The following HIPK3 variants were observed in gnomAD, a reference collection of about 807,000 sequenced individuals.
HIPK3 encodes the protein homeodomain-interacting protein kinase 3.
A neutral mutation model predicts 124.2 loss-of-function variants in HIPK3; 47 were observed. The observed-to-expected ratio is 0.38, with a 90% CI of 0.30 to 0.48. HIPK3 has a LOEUF of 0.48. Ranked by LOEUF, HIPK3 falls within the 20% of genes least tolerant of loss-of-function variation. The probability of loss-of-function intolerance (pLI) is 0.98; values close to 1 mark genes in which losing one functional copy is unlikely to be tolerated. For missense variants in HIPK3, 1,286 were observed against 1,454.3 expected, an observed-to-expected ratio of 0.88 and a Z score of 1.88; for synonymous variants, 482 against 515.2, an observed-to-expected ratio of 0.94 and a Z score of 0.87.
At chr11:33,314,628 C>T (rs1468884802) in intron 2 of HIPK3, among the ~76,000 whole-genome samples, 3 of 151,900 alleles carry the variant, frequency 2.0e-5, no homozygotes, top group African/African-American at 7.3e-5. Flanking sequence ...TGCACTCCAG[C>T]CTGGGTGACA....
Position 33,348,833 on chromosome 11 carries a change from C to T in HIPK3, c.2666+15C>T. On this transcript the variant is annotated intron_variant, in intron 13 of 16. Coordinates refer to ENST00000303296, the MANE Select transcript of HIPK3 (RefSeq NM_005734.5). ...TCACTCAGAGAGTAAGTGCCAAACGCTGCATCCTCAAAGGATATAGATGGC... is the reference window on the plus strand; with the variant it reads ...TCACTCAGAGAGTAAGTGCCAAACGTTGCATCCTCAAAGGATATAGATGGC... The T allele has an allele frequency of 6.2e-7, 1 of 1,606,438 alleles. No homozygotes were observed. Among genetic ancestry groups the T allele is most frequent in the African/African-American group, 1.3e-5 (1 of 74,952 alleles).
chr11:33,341,685 A>G lies in HIPK3; in HGVS notation c.1896A>G (p.Gln632=). Reference sequence around the variant, plus strand: ...TGATTATCTGTCCCCCAGCTATTCAAGGTATTATTTTATTTAAATTTTGCT... The same window carrying G: ...TGATTATCTGTCCCCCAGCTATTCAGGGTATTATTTTATTTAAATTTTGCT... ...QTLIICPPAI[Q]GIPATHGKPT... The change falls in exon 8 of 17, where the codon CAA becomes CAG. Residue 632 remains glutamine (Q), a splice_region_variant and synonymous_variant. Transcript: ENST00000303296. 6.2e-7 allele frequency: 1 copy of G among 1,604,384 alleles called. No individual in the cohort carries two copies. Among genetic ancestry groups the G allele is most frequent in the Non-Finnish European group, 8.5e-7 (1 of 1,176,652 alleles).
At chr11:33,273,262 T>C (rs1851183894) in intron 1 of HIPK3, among the ~76,000 whole-genome samples, 1 of 151,996 alleles carries the variant, frequency 6.6e-6, no homozygotes, top group Admixed American at 6.5e-5. Context: ...CCCAGCACTT[T>C]GGGAGGCCGA....
chr11:33,267,050 AATGT>A (rs756776202), intron 1 of HIPK3, among the ~76,000 whole-genome samples: 14 of 152,060 alleles, frequency 9.2e-5, no homozygotes, highest in Non-Finnish European at 1.9e-4. Flanking sequence ...CTAAATTTAG[AATGT>A]AGAGCCCTTT....
At chr11:33,319,351 C>G (rs1336445136) in intron 2 of HIPK3, among the ~76,000 whole-genome samples, 1 of 152,096 alleles carries the variant, frequency 6.6e-6, no homozygotes, top group Admixed American at 6.5e-5. Context: ...AAAAAATTAG[C>G]TGGGTGTGAT....
intron 2 of HIPK3, among the ~76,000 whole-genome samples, chr11:33,311,070 T>C (rs1448410581): frequency 6.6e-6 from 1 of 152,242 alleles, no homozygotes; most frequent in East Asian, 1.9e-4. Context: ...AATTGTTGAC[T>C]ACCTTAAGGA....
At position 33,273,001 on chromosome 11, in the gene HIPK3, A is replaced by AT. The variant is rs1247640708; in HGVS notation, c.-2-13401dup. Reference sequence around the variant, plus strand: ...AGGTGTGTGTCACCGTGCCTGGCTAATTTTTTTTTTTAAATAGAGATGGGG... The same window carrying AT: ...AGGTGTGTGTCACCGTGCCTGGCTAATTTTTTTTTTTTAAATAGAGATGGGG... On this transcript the variant is annotated intron_variant, in intron 1 of 16. Transcript: ENST00000303296. Among the ~76,000 whole-genome samples the AT allele has an allele frequency of 1.5e-3, 219 of 145,790 alleles. 2 individuals carry two copies. The highest frequency in any genetic ancestry group is 4.7e-3 in the African/African-American group (187 of 39,846).
At chr11:33,307,118 C>A (rs1269268887) in intron 2 of HIPK3, among the ~76,000 whole-genome samples, 1 of 150,480 alleles carries the variant, frequency 6.6e-6, no homozygotes, top group Non-Finnish European at 1.5e-5. Context: ...TTTGTATTTT[C>A]AGTAGAAATG....
At chr11:33,336,946 A>C in intron 3 of HIPK3, 129 bp from the exon 4 acceptor site, 4 of 578,630 alleles carry the variant, frequency 6.9e-6, no homozygotes, top group Non-Finnish European at 1.2e-5. Context: ...GTTCTCCACT[A>C]GACAGTGCAT....
At chr11:33,334,932 C>T (rs1238405393) in intron 3 of HIPK3, among the ~76,000 whole-genome samples, 8 of 152,026 alleles carry the variant, frequency 5.3e-5, no homozygotes, top group African/African-American at 1.7e-4. Context: ...TTGTATAACT[C>T]AGAATTGAAG....
chr11:33,297,101 T>A (rs950347650), intron 2 of HIPK3, among the ~76,000 whole-genome samples: 2 of 151,032 alleles, frequency 1.3e-5, no homozygotes, highest in African/African-American at 2.4e-5. Context: ...ATTTTTTTTT[T>A]TTTTTTTTGA....
At chr11:33,346,276 C>G (rs1853488988) in intron 8 of HIPK3, among the ~76,000 whole-genome samples, 1 of 152,158 alleles carries the variant, frequency 6.6e-6, no homozygotes, top group Admixed American at 6.5e-5. Flanking sequence ...ATCCTGCTTT[C>G]TAATTTTCCT....
chr11:33,264,405 C>G (rs1049225711), intron 1 of HIPK3, among the ~76,000 whole-genome samples: 5 of 152,168 alleles, frequency 3.3e-5, no homozygotes, highest in African/African-American at 1.2e-4. Flanking sequence ...TGAGGTCTGA[C>G]CCTGCTTAGC....
At chr11:33,309,623 C>A (rs943329989) in intron 2 of HIPK3, among the ~76,000 whole-genome samples, 2 of 152,218 alleles carry the variant, frequency 1.3e-5, no homozygotes, top group Admixed American at 1.3e-4. Context: ...AGGATTGGCT[C>A]TTTTGGGGTT....
At chr11:33,272,837 C>A (rs1045484242) in intron 1 of HIPK3, among the ~76,000 whole-genome samples, 2 of 144,062 alleles carry the variant, frequency 1.4e-5, no homozygotes, top group African/African-American at 2.6e-5. Context: ...TCCTCCCCTC[C>A]CCTCCCGTTC....
intron 2 of HIPK3, among the ~76,000 whole-genome samples, chr11:33,321,636 C>CAGTGGAGTA (rs1852665794): frequency 6.6e-6 from 1 of 151,994 alleles, no homozygotes; most frequent in Non-Finnish European, 1.5e-5. Flanking sequence ...AAGTAGAATA[C>CAGTGGAGTA]AAGGACAACA....
intron 14 of HIPK3, 103 bp downstream of exon 14, chr11:33,349,390 A>C (rs1853593066): frequency 2.2e-6 from 2 of 900,680 alleles, no homozygotes; most frequent in Admixed American, 5.5e-5. Flanking sequence ...TACCACAGTG[A>C]CTTCTATCTT....
intron 8 of HIPK3, among the ~76,000 whole-genome samples, chr11:33,346,948 G>A (rs1360665705): frequency 6.6e-6 from 1 of 152,148 alleles, no homozygotes; most frequent in Non-Finnish European, 1.5e-5. Context: ...CAGAAATTTG[G>A]GAGGCCGAGG....
intron 4 of HIPK3, 49 bp downstream of exon 4, chr11:33,337,243 C>G: frequency 1.7e-6 from 2 of 1,164,806 alleles, no homozygotes; most frequent in Non-Finnish European, 2.4e-6. Context: ...TTCTAAGATG[C>G]CTCATATGCA....
Sources: gnomAD v4.1 joint callset for allele counts (sites outside exome capture counted in the v4.1 genomes callset) on GRCh38, gnomAD v4.1.1 for gene constraint, MANE v1.5 for transcripts, NCBI Gene and HGNC (gene_info 2026-07-23, HGNC 2026-07-21) for gene names.